The following CETN3 variants were observed in gnomAD, a reference collection of about 807,000 sequenced individuals.
CETN3 encodes centrin 3.
Under a neutral mutation model 20.1 loss-of-function variants are expected in CETN3, and 17 were observed. That is an observed-to-expected ratio of 0.85 (90% confidence interval 0.58 to 1.27). CETN3 has a LOEUF of 1.27. CETN3 is among the 50% of genes most tolerant of loss of function. The pLI, the probability that CETN3 is intolerant of heterozygous loss-of-function variation, is 0.00. For missense variants in CETN3, 169 were observed against 191.2 expected, an observed-to-expected ratio of 0.88 and a Z score of 0.69; for synonymous variants, 52 against 59.7, an observed-to-expected ratio of 0.87 and a Z score of 0.59.
chr5:90,398,688 A>G (rs1284418093), intron 4 of CETN3, among the ~76,000 whole-genome samples: 6 of 152,256 alleles, frequency 3.9e-5, no homozygotes. Context: ...TAGATCATAG[A>G]AGGCTTTGAA....
rs1368678496 is a variant in CETN3, at chr5:90,396,492, C to G, written c.461-2385G>C. The G allele has an allele frequency of 2.6e-6, 4 of 1,531,632 alleles. No individual in the cohort carries two copies. In the African/African-American group the frequency reaches 4.1e-5, roughly 16 times the overall value. 94.9% of individuals were successfully genotyped at this position (1,531,632 alleles called of 1,614,324 possible). A position where few individuals can be genotyped will look rare whatever the true frequency, so the allele number is the denominator to read the frequency against. On this transcript the variant is annotated intron_variant, in intron 4 of 4. Coordinates refer to ENST00000283122, the MANE Select transcript of CETN3 (RefSeq NM_004365.4). ...TATTAATCAGTTTAGCCAGTGTGCA[C>G]CTTCACTGAAGAACTCCCGATTTAG...
chr5:90,394,272 A>G (rs1022637366), intron 4 of CETN3, among the ~76,000 whole-genome samples, 165 bp from the exon 5 acceptor site: 1 of 152,100 alleles, frequency 6.6e-6, no homozygotes, highest in Non-Finnish European at 1.5e-5. Flanking sequence ...GAAGTGGAAC[A>G]TGTTTATTAA....
Position 90,409,573 on chromosome 5 carries a change from T to A in CETN3, c.17+72A>T, listed in dbSNP as rs10041922. ...TGCCTCGCCTCGGCCCCAAACGTCC[T>A]CCCTTCCACACACACCCTCCCTGGG... On this transcript the variant is annotated intron_variant, in intron 1 of 4. Transcript: ENST00000283122. 0.32 allele frequency: 500,731 copies of A among 1,576,216 alleles called. 83,940 individuals carry two copies. Among genetic ancestry groups the A allele is most frequent in the East Asian group, 0.62 (27,528 of 44,634 alleles).
intron 4 of CETN3, among the ~76,000 whole-genome samples, chr5:90,397,950 T>C (rs529709579): frequency 6.6e-6 from 1 of 152,260 alleles, no homozygotes; most frequent in African/African-American, 2.4e-5. Flanking sequence ...GCTAAATAAA[T>C]GTTAAAAAAC....
Position 90,407,745 on chromosome 5 carries a change from A to C in CETN3, c.107T>G (p.Leu36Arg), listed in dbSNP as rs773487112. The change falls in exon 2 of 5, where the codon CTA becomes CGA. Residue 36 changes from leucine (L) to arginine (R), a missense_variant. Physicochemically the swap from Leu to Arg is moderately radical, Grantham distance 102. Transcript: ENST00000283122. Reference sequence around the variant, plus strand: ...TGCTTCATCTTTGTCTGTATCAAATAGTTCAAAAGCATCTTTAATTTCTTG... The same window carrying C: ...TGCTTCATCTTTGTCTGTATCAAATCGTTCAAAAGCATCTTTAATTTCTTG... ...QKQEIKDAFE[L>R]FDTDKDEAID... 3.1e-6 allele frequency: 5 copies of C among 1,587,870 alleles called. No homozygotes were observed. The South Asian group carries it at 3.4e-5, about 11-fold the overall frequency.
chr5:90,404,836 G>T (rs1749391767), intron 3 of CETN3, among the ~76,000 whole-genome samples: 2 of 148,088 alleles, frequency 1.4e-5, no homozygotes. Flanking sequence ...ATACTTATAT[G>T]ATGTGCTTAT....
chr5:90,397,894 T>C (rs1749171835), intron 4 of CETN3, among the ~76,000 whole-genome samples: 1 of 152,184 alleles, frequency 6.6e-6, no homozygotes. Flanking sequence ...CAAGTTATTA[T>C]GGAAATTAAG....
chr5:90,398,963 T>C (rs1749208936), intron 4 of CETN3: 1 of 307,506 alleles, frequency 3.3e-6, no homozygotes, highest in South Asian at 4.4e-5. Flanking sequence ...ATGAGGCCAT[T>C]ATAACATTCC....
Position 90,407,744 on chromosome 5 carries a change from TA to T in CETN3, c.107del (p.Leu36HisfsTer10). ...TTGCTTCATCTTTGTCTGTATCAAA[TA>T]GTTCAAAAGCATCTTTAATTTCTTG... ...QKQEIKDAFE[L>X]FDTDKDEAID... On this transcript the variant is annotated frameshift_variant, in exon 2 of 5. Transcript: ENST00000283122. LOFTEE classifies it high-confidence loss of function. The T allele has an allele frequency of 6.3e-7, 1 of 1,587,964 alleles. No individual in the cohort carries two copies. Among genetic ancestry groups the T allele is most frequent in the Admixed American group, 1.7e-5 (1 of 58,560 alleles).
chr5:90,404,500 A>G (rs1474989113), intron 3 of CETN3, among the ~76,000 whole-genome samples: 1 of 152,216 alleles, frequency 6.6e-6, no homozygotes, highest in Non-Finnish European at 1.5e-5. Flanking sequence ...TTCCTCAAAT[A>G]ATTAATTCTA....
At position 90,407,615 on chromosome 5, in the gene CETN3, A is replaced by G; in HGVS notation, c.153+84T>C. The G allele has an allele frequency of 3.0e-6, 3 of 989,024 alleles. No individual in the cohort carries two copies. The African/African-American group carries it at 5.0e-5, about 17-fold the overall frequency. 61.3% of individuals were successfully genotyped at this position (989,024 alleles called of 1,614,324 possible). ...TTCCAAAACCAATTTAGTTAAAATA[A>G]TTATTTAGAAATGTAATGTAAAGCA... On this transcript the variant is annotated intron_variant, in intron 2 of 4. Transcript: ENST00000283122.
chr5:90,407,939 GA>G, intron 1 of CETN3, 105 bp from the exon 2 acceptor site: 1 of 925,686 alleles, frequency 1.1e-6, no homozygotes, highest in Non-Finnish European at 1.5e-6. Flanking sequence ...GTACTTTGGA[GA>G]AAGATAGGGA....
intron 4 of CETN3, among the ~76,000 whole-genome samples, chr5:90,398,293 A>G (rs936054119): frequency 6.6e-6 from 1 of 152,222 alleles, no homozygotes; most frequent in Non-Finnish European, 1.5e-5. Flanking sequence ...AGTTTAACAT[A>G]CAAATAAAGT....
At chr5:90,406,549 T>C (rs1173814277) in intron 2 of CETN3, among the ~76,000 whole-genome samples, 9 of 151,592 alleles carry the variant, frequency 5.9e-5, no homozygotes, top group South Asian at 2.1e-4. Context: ...AGAAAGCAGT[T>C]AGCAAATGAA....
intron 4 of CETN3, chr5:90,396,123 G>GA: frequency 1.0e-6 from 1 of 976,566 alleles, no homozygotes; most frequent in Non-Finnish European, 1.2e-6. Flanking sequence ...ATTTGGAAAG[G>GA]AAGTAGAAAG....
intron 3 of CETN3, 102 bp downstream of exon 3, chr5:90,405,583 A>G (rs748893679): frequency 5.2e-6 from 4 of 762,620 alleles, no homozygotes; most frequent in Admixed American, 4.8e-5. Context: ...CCAGTGTTCT[A>G]TAAGAAAATT....
chr5:90,394,366 A>T (rs1561405162), intron 4 of CETN3, among the ~76,000 whole-genome samples: 1 of 152,156 alleles, frequency 6.6e-6, no homozygotes, highest in East Asian at 1.9e-4. Flanking sequence ...GGGAAAAGAT[A>T]ATGTTACCAA....
chr5:90,406,132 AG>A (rs2151884045), intron 2 of CETN3, among the ~76,000 whole-genome samples: 1 of 152,246 alleles, frequency 6.6e-6, no homozygotes, highest in East Asian at 1.9e-4. Flanking sequence ...AATGAGAAAA[AG>A]GCGTGGCATA....
chr5:90,397,708 T>G (rs1749167664), intron 4 of CETN3, among the ~76,000 whole-genome samples: 1 of 152,156 alleles, frequency 6.6e-6, no homozygotes, highest in Non-Finnish European at 1.5e-5. Flanking sequence ...ATATTACGTT[T>G]AAAAGCACAT....
Sources: gnomAD v4.1 joint callset for allele counts (sites outside exome capture counted in the v4.1 genomes callset) on GRCh38, gnomAD v4.1.1 for gene constraint, MANE v1.5 for transcripts, NCBI Gene and HGNC (gene_info 2026-07-23, HGNC 2026-07-21) for gene names.